Variants in USP6 observed in about 807,000 individuals in gnomAD.
The protein encoded by USP6 is ubiquitin specific peptidase 6.
In USP6, 128 loss-of-function variants were observed where a neutral mutation model predicts 175.7. The observed-to-expected ratio is 0.73, with a 90% CI of 0.63 to 0.84. The LOEUF is 0.84. USP6 is among the 40% of genes least tolerant of loss of function. The pLI is 0.00. For missense variants in USP6, 1,498 were observed against 1,760.3 expected (o/e 0.85, Z 2.67); for synonymous variants, 562 against 630.6 (o/e 0.89, Z 1.63).
rs184882433 is a variant in USP6 at position 5,146,317 on chromosome 17, A to T, written c.2319+143A>T. ...AACTGAACAACAACAAAAAATGCCA[A>T]GTTTTCCAACCCAGAAACTTAAAAG... On this transcript the variant is annotated intron_variant, in intron 28 of 37. Transcript: ENST00000574788. The T allele has an allele frequency of 2.3e-4, 282 of 1,226,688 alleles. 1 individual carries two copies. The African/African-American group carries it at 3.8e-3, about 17-fold the overall frequency. 76.0% of individuals were successfully genotyped at this position (1,226,688 alleles called of 1,614,324 possible).
At chr17:5,124,497 A>G (rs1447181030) in intron 4 of USP6, 69 bp from the exon 5 acceptor site, 2 of 152,312 alleles carry the variant, frequency 1.3e-5, no homozygotes, top group Non-Finnish European at 2.9e-5. Context: ...TTCCACTGAC[A>G]CATTTATCTA....
At chr17:5,159,039 C>T (rs1388339990) in intron 31 of USP6, among the ~76,000 whole-genome samples, 1 of 152,040 alleles carries the variant, frequency 6.6e-6, no homozygotes, top group African/African-American at 2.4e-5. Context: ...TTCTCAACTT[C>T]TTGAGTGTTT....
rs929732436 is a variant in USP6, at chr17:5,122,596, C to T, written c.-1299+846C>T. On this transcript the variant is annotated intron_variant, in intron 4 of 37. Coordinates refer to ENST00000574788, the MANE Select transcript of USP6 (RefSeq NM_001304284.2). The stretch of plus-strand genomic sequence containing the variant: ...GGGCCCCCTCCCCAGCCCAACCCAG[C>T]CCCGACCCTCCGCTGCGGGGCCCTC... Among the ~76,000 whole-genome samples the T allele has an allele frequency of 2.6e-5, 4 of 152,250 alleles. No individual in the cohort carries two copies. The East Asian group carries it at 7.7e-4, about 29-fold the overall frequency.
chr17:5,141,541 G>A (rs1240272406), intron 23 of USP6, 42 bp downstream of exon 23: 6 of 1,505,774 alleles, frequency 4.0e-6, no homozygotes, highest in South Asian at 1.3e-5. Context: ...TATTTTAAAT[G>A]TATTTTTTTT....
In USP6 at chr17:5,157,258, G is replaced by A. The variant is rs562227165; in HGVS notation, c.2828+1652G>A. On this transcript the variant is annotated intron_variant, in intron 31 of 37. Coordinates refer to ENST00000574788, the MANE Select transcript of USP6 (RefSeq NM_001304284.2). ...CTGCCACCACGCCTGGCTAGTTTTT[G>A]TATTTTCAGTACAGGCAGGGTTTCA... Among the ~76,000 whole-genome samples, 58 of 151,824 alleles carry A rather than the reference G, an allele frequency of 3.8e-4. No individual in the cohort carries two copies. In the South Asian group the frequency reaches 4.6e-3, roughly 12 times the overall value.
intron 14 of USP6, 147 bp downstream of exon 14, chr17:5,133,697 A>T: frequency 8.6e-7 from 1 of 1,161,108 alleles, no homozygotes; most frequent in Non-Finnish European, 1.3e-6. Flanking sequence ...TGACACAGTC[A>T]CCACAGACAA....
chr17:5,155,694 C>T, intron 31 of USP6, 88 bp downstream of exon 31: 2 of 1,287,016 alleles, frequency 1.6e-6, no homozygotes, highest in East Asian at 2.7e-5. Flanking sequence ...TAGGGCCCAG[C>T]CCATGTCAAG....
Position 5,132,855 on chromosome 17 carries a change from G to T in USP6, c.196-55G>T. 1 of 1,600,512 alleles carries T rather than the reference G, an allele frequency of 6.2e-7. No individual in the cohort carries two copies. Among genetic ancestry groups the T allele is most frequent in the Non-Finnish European group, 8.6e-7 (1 of 1,167,718 alleles). On this transcript the variant is annotated intron_variant, in intron 12 of 37. Coordinates refer to ENST00000574788, the MANE Select transcript of USP6 (RefSeq NM_001304284.2). The surrounding 1 kb of genome is among the most constrained non-coding windows in gnomAD (Gnocchi z 4.7). ...CAGAGCCCAAGACTCAGCATCCATG[G>T]GCGGCTCTGGGAAGCCTGGCAGCTC... is the stretch of plus-strand genomic sequence containing the variant.
At chr17:5,168,685 A>T (rs1342320642) in intron 34 of USP6, 82 bp from the exon 35 acceptor site, 25 of 1,455,778 alleles carry the variant, frequency 1.7e-5, no homozygotes, top group Admixed American at 6.9e-5. Context: ...AAACATTCAC[A>T]TGTATTTGAC....
At chr17:5,131,800 AG>A (rs1284022546) in intron 11 of USP6, among the ~76,000 whole-genome samples, 2 of 146,904 alleles carry the variant, frequency 1.4e-5, no homozygotes, top group African/African-American at 5.0e-5. Flanking sequence ...AGAGGATCCC[AG>A]GGGAGGTAGG....
At chr17:5,128,515 A>C (rs1435273511) in intron 7 of USP6, 2 of 152,278 alleles carry the variant, frequency 1.3e-5, no homozygotes, top group Non-Finnish European at 2.9e-5. Flanking sequence ...GAGGTCAGGG[A>C]GGTCTGAAGC....
chr17:5,132,824 G>C lies in USP6; in HGVS notation c.196-86G>C. 1 of 1,517,084 alleles carries C rather than the reference G, an allele frequency of 6.6e-7. No homozygotes were observed. Among genetic ancestry groups the C allele is most frequent in the Non-Finnish European group, 9.2e-7 (1 of 1,092,250 alleles). 94.0% of individuals were successfully genotyped at this position (1,517,084 alleles called of 1,614,324 possible). A position where few individuals can be genotyped will look rare whatever the true frequency, so the allele number is the denominator to read the frequency against. On this transcript the variant is annotated intron_variant, in intron 12 of 37. Transcript: ENST00000574788. The surrounding 1 kb of genome is among the most constrained non-coding windows in gnomAD (Gnocchi z 4.7). ...GGCTCCTTCCAGTTGGGTCCCACCA[G>C]GGCTCCAGAGCCCAAGACTCAGCAT...
chr17:5,146,856 C>T (rs1280265327), intron 28 of USP6, among the ~76,000 whole-genome samples: 1 of 152,160 alleles, frequency 6.6e-6, no homozygotes, highest in Non-Finnish European at 1.5e-5. Context: ...CAGTCATGTA[C>T]AACACACTTC....
rs749836474 is a variant in USP6, at chr17:5,133,984, G to C, written c.482G>C (p.Arg161Pro). Reference protein sequence around the residue: ...TLRNHVFFRDRYGAKQRELFY... With the variant: ...TLRNHVFFRDPYGAKQRELFY... Reference sequence around the variant, plus strand: ...CGGAACCATGTCTTCTTTAGGGATCGATATGGAGCCAAGTAAGCCTACGGG... The same window carrying C: ...CGGAACCATGTCTTCTTTAGGGATCCATATGGAGCCAAGTAAGCCTACGGG... Residue 161 changes from arginine to proline, a missense_variant, in exon 15 of 38, where the codon CGA becomes CCA. This residue lies in a region of USP6 where 281 missense variants were observed against 259.6 expected (regional missense o/e 1.08). Transcript: ENST00000574788. 1 of 1,614,050 alleles carries C rather than the reference G, an allele frequency of 6.2e-7. No individual in the cohort carries two copies. The highest frequency in any genetic ancestry group is 8.5e-7 in the Non-Finnish European group (1 of 1,179,972).
rs2073170089 is a variant in USP6, at chr17:5,133,993, C to T, written c.491C>T (p.Ala164Val). 1.2e-6 allele frequency: 2 copies of T among 1,613,770 alleles called. No individual in the cohort carries two copies. The highest frequency in any genetic ancestry group is 1.7e-5 in the Admixed American group (1 of 60,006). The change falls in exon 15 of 38, where the codon GCC becomes GTC. Residue 164 changes from alanine (A) to valine (V), a missense_variant. Transcript: ENST00000574788. ...GTCTTCTTTAGGGATCGATATGGAGCCAAGTAAGCCTACGGGAGCCACACA... is the reference window on the plus strand; with the variant it reads ...GTCTTCTTTAGGGATCGATATGGAGTCAAGTAAGCCTACGGGAGCCACACA... ...NHVFFRDRYG[A>V]KQRELFYILL...
chr17:5,133,648 G>T, intron 14 of USP6, 98 bp downstream of exon 14: 1 of 966,702 alleles, frequency 1.0e-6, no homozygotes, highest in South Asian at 1.3e-5. Flanking sequence ...GTGGGGGGGT[G>T]GGAGGGGATG....
intron 31 of USP6, among the ~76,000 whole-genome samples, chr17:5,158,614 G>GGAGA (rs71151843): frequency 0.01 from 273 of 26,304 alleles, 33 homozygotes; most frequent in Non-Finnish European, 0.014. Flanking sequence ...AGGGAGAGGG[G>GGAGA]GAGAGAGAGA....
chr17:5,145,978 A>T, intron 27 of USP6, 45 bp from the exon 28 acceptor site: 1 of 1,532,666 alleles, frequency 6.5e-7, no homozygotes, highest in Admixed American at 2.0e-5. Flanking sequence ...AAGGCTTTCA[A>T]TGAAACCTGC....
In USP6 at chr17:5,173,297, G is replaced by A. The variant is rs2074265029; in HGVS notation, c.*319G>A. On this transcript the variant is annotated 3_prime_UTR_variant, in exon 38 of 38. Transcript: ENST00000574788. ...TGAACAAATATGTAGTGAGTATAGA[G>A]TTTACCAATAATCATAACAAATATT... 3.8e-6 allele frequency: 1 copy of A among 262,570 alleles called. No homozygotes were observed. Among genetic ancestry groups the A allele is most frequent in the Non-Finnish European group, 7.3e-6 (1 of 137,502 alleles). The allele number at this position is 262,570 out of a possible 1,614,324, so 16.3% of individuals were successfully genotyped here.
Sources: allele counts gnomAD v4.1 joint callset (sites outside exome capture counted in the v4.1 genomes callset), GRCh38; gene constraint gnomAD v4.1.1; regional missense constraint gnomAD v4.1.1; non-coding constraint Gnocchi (gnomAD v3.1); transcripts MANE v1.5; gene names NCBI Gene and HGNC (gene_info 2026-07-23, HGNC 2026-07-21).